The following CPB1 variants were observed in gnomAD, a reference collection of about 807,000 sequenced individuals.
CPB1 encodes the protein carboxypeptidase B.
Under a neutral mutation model 51.4 loss-of-function variants are expected in CPB1, and 53 were observed. The observed-to-expected ratio is 1.03, with a 90% confidence interval of 0.83 to 1.30. The LOEUF is 1.30. CPB1 is among the 50% of genes most tolerant of loss of function. CPB1 has a pLI of 0.00. For missense variants in CPB1, 494 were observed against 516.2 expected (o/e 0.96, Z 0.42); for synonymous variants, 189 against 186.9 (o/e 1.01, Z -0.09).
chr3:148,829,687 C>CAA (rs1202249577), intron 2 of CPB1, among the ~76,000 whole-genome samples: 1 of 152,164 alleles, frequency 6.6e-6, no homozygotes, highest in Non-Finnish European at 1.5e-5. Context: ...GTTTGATAAT[C>CAA]ATGTCTTTTT....
At chr3:148,856,189 C>T (rs541001056) in intron 9 of CPB1, 6 of 152,228 alleles carry the variant, frequency 3.9e-5, no homozygotes, top group East Asian at 1.9e-4. Context: ...TTGCAAGTAC[C>T]GACCCAAAAC....
intron 9 of CPB1, among the ~76,000 whole-genome samples, chr3:148,846,442 T>C (rs9865389): frequency 0.21 from 32,374 of 151,196 alleles, 3,548 homozygotes; most frequent in Middle Eastern, 0.3. Context: ...ATTTGAGTTA[T>C]GCCAAAAAAA....
intron 2 of CPB1, among the ~76,000 whole-genome samples, chr3:148,830,133 C>A (rs1379579770): frequency 7.9e-5 from 12 of 152,144 alleles, no homozygotes. Context: ...GCTTCCAGTT[C>A]ACTCTGCAGC....
At chr3:148,857,349 T>A (rs1713609768) in intron 9 of CPB1, 108 bp from the exon 10 acceptor site, 1 of 785,932 alleles carries the variant, frequency 1.3e-6, no homozygotes. Flanking sequence ...TATAATACGA[T>A]CCAAATTGTT....
intron 9 of CPB1, among the ~76,000 whole-genome samples, chr3:148,845,941 A>G (rs1365952898): frequency 1.3e-5 from 2 of 152,206 alleles, no homozygotes; most frequent in Non-Finnish European, 2.9e-5. Flanking sequence ...TAATCAACAA[A>G]GTTGCTTGAT....
intron 2 of CPB1, 119 bp downstream of exon 2, chr3:148,828,196 A>C: frequency 1.2e-6 from 1 of 803,004 alleles, no homozygotes; most frequent in East Asian, 2.6e-5. Flanking sequence ...GCAAGAAATA[A>C]AAACTTGGAA....
intron 3 of CPB1, among the ~76,000 whole-genome samples, chr3:148,836,727 A>G (rs897575507): frequency 6.6e-6 from 1 of 152,152 alleles, no homozygotes; most frequent in Non-Finnish European, 1.5e-5. Context: ...TCTAAATATT[A>G]AATAATAATA....
In CPB1 at chr3:148,855,918, C is replaced by T. The variant is rs535054857; in HGVS notation, c.982-1539C>T. On this transcript the variant is annotated intron_variant, in intron 9 of 10. Coordinates refer to ENST00000282957, the MANE Select transcript of CPB1 (RefSeq NM_001871.3). ...TTACCTACAAAAAGAACTATTGCCT[C>T]ACCATGTTTCACATCTCTAGAAGAT... 3.3e-5 allele frequency: 5 copies of T among 152,312 alleles called. No individual in the cohort carries two copies. The South Asian group carries it at 8.3e-4, about 25-fold the overall frequency. The allele number at this position is 152,312 out of a possible 1,614,324, so 9.4% of individuals were successfully genotyped here. A position where few individuals can be genotyped will look rare whatever the true frequency, so the allele number is the denominator to read the frequency against.
chr3:148,836,213 T>C (rs978714198), intron 3 of CPB1, among the ~76,000 whole-genome samples: 31 of 152,234 alleles, frequency 2.0e-4, no homozygotes, highest in African/African-American at 6.5e-4. Flanking sequence ...TTATCATGCC[T>C]CACAAAGCTT....
At chr3:148,843,184 C>T (rs1713137388) in intron 6 of CPB1, among the ~76,000 whole-genome samples, 1 of 152,074 alleles carries the variant, frequency 6.6e-6, no homozygotes, top group Non-Finnish European at 1.5e-5. Flanking sequence ...ATAAAGTCTA[C>T]AGTTTAGTTT....
At chr3:148,841,678 T>A in intron 5 of CPB1, 145 bp from the exon 6 acceptor site, 2 of 608,012 alleles carry the variant, frequency 3.3e-6, no homozygotes, top group Non-Finnish European at 5.9e-6. Context: ...TGTGTTAGTA[T>A]TATATTTTAA....
chr3:148,841,789 A>C, intron 5 of CPB1, 34 bp from the exon 6 acceptor site: 1 of 1,578,624 alleles, frequency 6.3e-7, no homozygotes, highest in Non-Finnish European at 8.7e-7. Flanking sequence ...CCTATGATGA[A>C]TCATGGTTTC....
chr3:148,845,443 C>T lies in CPB1; in HGVS notation c.798C>T (p.Asn266=), dbSNP rs1426932271. 1 of 1,613,858 alleles carries T rather than the reference C, an allele frequency of 6.2e-7. No homozygotes were observed. The highest frequency in any genetic ancestry group is 8.5e-7 in the Non-Finnish European group (1 of 1,179,802). ...TTCCAGAAATTGGAGCCTCTCGAAA[C>T]CCCTGTGATGAAACTTACTGTGGAC... ...AGWCEIGASR[N]PCDETYCGPA... Residue 266 remains asparagine (N), a synonymous_variant, in exon 9 of 11, where the codon AAC becomes AAT. Coordinates refer to ENST00000282957, the MANE Select transcript of CPB1 (RefSeq NM_001871.3).
intron 9 of CPB1, chr3:148,855,836 A>T (rs1713555647): frequency 6.6e-6 from 1 of 152,200 alleles, no homozygotes; most frequent in Admixed American, 6.5e-5. Context: ...CTAACTGGAG[A>T]TTTCCTTTGA....
chr3:148,846,797 GTATATATATATATATATATATATATATA>G (rs368201293), intron 9 of CPB1, among the ~76,000 whole-genome samples: 4 of 50,562 alleles, frequency 7.9e-5, no homozygotes, highest in African/African-American at 1.1e-4. Context: ...GTGTGCGTGT[GTATATATATATATATATATATATATATA>G]TATATATATA....
At chr3:148,829,973 C>T (rs1712684842) in intron 2 of CPB1, among the ~76,000 whole-genome samples, 1 of 152,256 alleles carries the variant, frequency 6.6e-6, no homozygotes, top group South Asian at 2.1e-4. Context: ...TCATCAAATG[C>T]TTTACTAAGA....
chr3:148,832,815 A>G (rs1300616263), intron 2 of CPB1, among the ~76,000 whole-genome samples: 1 of 152,192 alleles, frequency 6.6e-6, no homozygotes, highest in Non-Finnish European at 1.5e-5. Context: ...GGCAGATCTT[A>G]GCAAGGGGAG....
At chr3:148,841,768 C>A in intron 5 of CPB1, 55 bp from the exon 6 acceptor site, 1 of 1,450,564 alleles carries the variant, frequency 6.9e-7, no homozygotes, top group Non-Finnish European at 9.7e-7. Context: ...TGGAGGTTAA[C>A]CCCTGAATGT....
At chr3:148,828,976 C>T (rs1427179411) in intron 2 of CPB1, among the ~76,000 whole-genome samples, 1 of 152,156 alleles carries the variant, frequency 6.6e-6, no homozygotes, top group Non-Finnish European at 1.5e-5. Flanking sequence ...GAAACAGCAT[C>T]CCCAGTTACT....
Sources: gnomAD v4.1 joint callset for allele counts (sites outside exome capture counted in the v4.1 genomes callset) on GRCh38, gnomAD v4.1.1 for gene constraint, MANE v1.5 for transcripts, NCBI Gene and HGNC (gene_info 2026-07-23, HGNC 2026-07-21) for gene names.